Variants in PPP2R2B observed in about 807,000 individuals in gnomAD.
PPP2R2B encodes serine/threonine-protein phosphatase 2A 55 kDa regulatory subunit B beta isoform.
Under a neutral mutation model 46.0 loss-of-function variants are expected in PPP2R2B, and 5 were observed. That is an observed-to-expected ratio of 0.11 (90% CI 0.06 to 0.23). PPP2R2B has a LOEUF of 0.23. PPP2R2B is among the 10% of genes least tolerant of loss of function. The pLI is 1.00. For missense variants in PPP2R2B, 367 were observed against 575.0 expected (o/e 0.64, Z 3.70); for synonymous variants, 215 against 206.7 (o/e 1.04, Z -0.34).
At chr5:146,861,204 C>T (rs577404059) in intron 2 of PPP2R2B, among the ~76,000 whole-genome samples, 2 of 151,828 alleles carry the variant, frequency 1.3e-5, no homozygotes, top group East Asian at 1.9e-4. Flanking sequence ...TACAGGTGCC[C>T]GCCACCACGC....
intron 2 of PPP2R2B, among the ~76,000 whole-genome samples, chr5:146,774,731 C>T (rs570057530): frequency 4.6e-4 from 69 of 151,086 alleles, no homozygotes; most frequent in Admixed American, 3.7e-3. Context: ...GCAGGATAAT[C>T]GCTTGAGCCT....
chr5:146,616,551 A>T (rs1183868472), intron 7 of PPP2R2B, among the ~76,000 whole-genome samples: 2 of 152,302 alleles, frequency 1.3e-5, no homozygotes, highest in East Asian at 1.9e-4. Context: ...TAATCCATTT[A>T]AAAAAATGAG....
intron 2 of PPP2R2B, among the ~76,000 whole-genome samples, chr5:146,844,800 A>G (rs10056455): frequency 0.026 from 3,884 of 152,206 alleles, 55 homozygotes; most frequent in Non-Finnish European, 0.031. Context: ...ACCTTATTCT[A>G]TCTTTCTCTC....
At chr5:146,668,709 T>C (rs1047806157) in intron 5 of PPP2R2B, among the ~76,000 whole-genome samples, 6 of 152,230 alleles carry the variant, frequency 3.9e-5, no homozygotes, top group Admixed American at 2.0e-4. Context: ...ACTGTTGAGT[T>C]TTCTCCCCAC....
At chr5:146,892,988 G>A (rs1762535994) in intron 1 of PPP2R2B, among the ~76,000 whole-genome samples, 1 of 152,056 alleles carries the variant, frequency 6.6e-6, no homozygotes. Flanking sequence ...TTCATTTTCT[G>A]TCACCCCTTT....
intron 1 of PPP2R2B, among the ~76,000 whole-genome samples, chr5:147,002,563 C>T (rs186455974): frequency 5.6e-4 from 83 of 149,504 alleles, no homozygotes; most frequent in East Asian, 2.9e-3. Context: ...CGATTTTTCT[C>T]GGTCTTCTTT....
chr5:146,835,067 A>G (rs1759198088), intron 2 of PPP2R2B, among the ~76,000 whole-genome samples: 1 of 152,146 alleles, frequency 6.6e-6, no homozygotes, highest in Non-Finnish European at 1.5e-5. Flanking sequence ...TGCTATTATG[A>G]ATAGTCCTGT....
At chr5:146,779,493 C>T (rs556405647) in intron 2 of PPP2R2B, among the ~76,000 whole-genome samples, 3 of 152,158 alleles carry the variant, frequency 2.0e-5, no homozygotes, top group East Asian at 3.9e-4. Context: ...ACTGCCGGCC[C>T]GGTGATAAGG....
At chr5:146,713,239 C>A (rs993477283) in intron 2 of PPP2R2B, among the ~76,000 whole-genome samples, 1 of 151,994 alleles carries the variant, frequency 6.6e-6, no homozygotes, top group South Asian at 2.1e-4. Flanking sequence ...AATGGAAAGA[C>A]CCTAAGAGGG....
At chr5:146,604,590 C>T (rs866472640) in intron 7 of PPP2R2B, among the ~76,000 whole-genome samples, 5 of 152,256 alleles carry the variant, frequency 3.3e-5, no homozygotes, top group South Asian at 4.2e-4. Flanking sequence ...CCAACAGGAG[C>T]GTATGTCTTG....
intron 1 of PPP2R2B, among the ~76,000 whole-genome samples, chr5:146,983,703 C>A (rs1753295352): frequency 6.6e-6 from 1 of 152,040 alleles, no homozygotes. Context: ...ATAATTTTTG[C>A]TTCAATTGTT....
intron 2 of PPP2R2B, among the ~76,000 whole-genome samples, chr5:146,740,392 AG>A (rs1476655816): frequency 1.3e-5 from 2 of 152,174 alleles, no homozygotes; most frequent in African/African-American, 4.8e-5. Flanking sequence ...CTCCAGGTAG[AG>A]GTGTAAATAA....
At chr5:146,671,982 T>C (rs1777405020) in intron 5 of PPP2R2B, among the ~76,000 whole-genome samples, 1 of 152,166 alleles carries the variant, frequency 6.6e-6, no homozygotes, top group Non-Finnish European at 1.5e-5. Flanking sequence ...AAAGGGAATA[T>C]TTCACTAGAG....
chr5:146,980,999 T>C (rs769882812), intron 1 of PPP2R2B, among the ~76,000 whole-genome samples: 2 of 152,216 alleles, frequency 1.3e-5, no homozygotes, highest in Non-Finnish European at 2.9e-5. Flanking sequence ...AATAAAAAGA[T>C]ATCTACATCT....
intron 1 of PPP2R2B, chr5:147,055,613 C>T (rs1757046958): frequency 1.1e-5 from 17 of 1,506,822 alleles, no homozygotes; most frequent in Non-Finnish European, 1.5e-5. Flanking sequence ...GGAAGTCAGA[C>T]ACCAGCCCAC....
In PPP2R2B at chr5:146,586,960, G is replaced by A. The variant is rs1293493159; in HGVS notation, c.*2987C>T. 1.3e-5 allele frequency: 2 copies of A among 152,252 alleles called. No homozygotes were observed. Among genetic ancestry groups the A allele is most frequent in the African/African-American group, 4.8e-5 (2 of 41,540 alleles). The allele number at this position is 152,252 out of a possible 1,614,324, so 9.4% of individuals were successfully genotyped here. On this transcript the variant is annotated 3_prime_UTR_variant, in exon 10 of 10. Transcript: ENST00000394411. ...AGGAACTGAATGTTGCGCAAGGATG[G>A]TTTTTGTAAAAGCCAGGGATGGCGT... is the stretch of plus-strand genomic sequence containing the variant.
chr5:147,069,072 G>A (rs1442690513), intron 2 of PPP2R2B, among the ~76,000 whole-genome samples: 1 of 152,166 alleles, frequency 6.6e-6, no homozygotes, highest in Non-Finnish European at 1.5e-5. Context: ...TAAGCTGAAA[G>A]GACATGGTCA....
chr5:146,736,605 C>T (rs965272402), intron 2 of PPP2R2B, among the ~76,000 whole-genome samples: 3 of 152,138 alleles, frequency 2.0e-5, no homozygotes, highest in Admixed American at 6.5e-5. Context: ...GTCTTGAGGA[C>T]ATCTCTGCCA....
chr5:146,597,881 T>C (rs530061455), intron 8 of PPP2R2B, among the ~76,000 whole-genome samples: 1 of 152,328 alleles, frequency 6.6e-6, no homozygotes, highest in East Asian at 1.9e-4. Flanking sequence ...TCTTTGCATC[T>C]TACCATCTAC....
Sources: allele counts gnomAD v4.1 joint callset (sites outside exome capture counted in the v4.1 genomes callset), GRCh38; gene constraint gnomAD v4.1.1; transcripts MANE v1.5; gene names NCBI Gene and HGNC (gene_info 2026-07-23, HGNC 2026-07-21).